SCARA5: variants seen among roughly 807,000 people sequenced by gnomAD.
The protein encoded by SCARA5 is scavenger receptor class A member 5, also known as scavenger receptor class A, member 5 (putative).
Under a neutral mutation model 46.3 loss-of-function variants are expected in SCARA5, and 45 were observed. That is an observed-to-expected ratio of 0.97 (90% CI 0.76 to 1.24). The LOEUF is 1.24. Among genes scored for constraint, SCARA5 ranks in the 50% most tolerant of loss-of-function variants. The pLI is 0.00. For missense variants in SCARA5, 680 were observed against 689.0 expected, an observed-to-expected ratio of 0.99 and a Z score of 0.15; for synonymous variants, 333 against 306.5, an observed-to-expected ratio of 1.09 and a Z score of -0.90.
At position 27,871,652 on chromosome 8, in the gene SCARA5, C is replaced by T. The variant is rs890449023; in HGVS notation, c.*282G>A. ...ATATTGAGGCCTGGTGCATGGTGTT[C>T]AGAGGCTGGGCAAAGTGGTGATCCA... On this transcript the variant is annotated 3_prime_UTR_variant, in exon 9 of 9. Transcript: ENST00000354914. 45 of 1,324,838 alleles carry T rather than the reference C, an allele frequency of 3.4e-5. No homozygotes were observed. Among genetic ancestry groups the T allele is most frequent in the African/African-American group, 4.4e-5 (3 of 67,730 alleles). 82.1% of individuals were successfully genotyped at this position (1,324,838 alleles called of 1,614,324 possible).
At chr8:27,911,565 G>A (rs778741405) in intron 4 of SCARA5, among the ~76,000 whole-genome samples, 15 of 152,164 alleles carry the variant, frequency 9.9e-5, no homozygotes, top group East Asian at 1.9e-4. Context: ...GGTGGTGGGC[G>A]CCTGTAATCC....
intron 7 of SCARA5, among the ~76,000 whole-genome samples, 157 bp from the exon 8 acceptor site, chr8:27,879,923 C>T (rs1424543560): frequency 1.3e-5 from 2 of 152,210 alleles, no homozygotes; most frequent in Non-Finnish European, 2.9e-5. Flanking sequence ...TGTGCCTCTT[C>T]TGCCCTTTGC....
At chr8:27,929,633 T>A (rs1482091467) in intron 3 of SCARA5, among the ~76,000 whole-genome samples, 1 of 152,198 alleles carries the variant, frequency 6.6e-6, no homozygotes, top group African/African-American at 2.4e-5. Context: ...GCCTGAAGAA[T>A]GAAATTGGGG....
intron 7 of SCARA5, chr8:27,904,432 A>G (rs1350604291): frequency 2.2e-5 from 10 of 462,260 alleles, no homozygotes; most frequent in East Asian, 1.8e-4. Flanking sequence ...CAATTTTCAC[A>G]ATGACCTTAT....
intron 2 of SCARA5, among the ~76,000 whole-genome samples, chr8:27,971,503 AC>A (rs1808447557): frequency 6.6e-6 from 1 of 152,234 alleles, no homozygotes; most frequent in Non-Finnish European, 1.5e-5. Flanking sequence ...TTCATGATTA[AC>A]AGGTTGTCTG....
At chr8:27,895,356 T>A (rs1807047263) in intron 7 of SCARA5, among the ~76,000 whole-genome samples, 1 of 152,140 alleles carries the variant, frequency 6.6e-6, no homozygotes, top group East Asian at 1.9e-4. Context: ...GGAAATGTGA[T>A]CCATATGGGA....
Position 27,949,934 on chromosome 8 carries a change from C to T in SCARA5, c.241+16480G>A, listed in dbSNP as rs139706416. 2.5e-3 allele frequency among the ~76,000 whole-genome samples: 383 copies of T among 152,334 alleles called. 2 individuals carry two copies. Among genetic ancestry groups the T allele is most frequent in the African/African-American group, 8.2e-3 (339 of 41,578 alleles). On this transcript the variant is annotated intron_variant, in intron 3 of 8. Coordinates refer to ENST00000354914, the MANE Select transcript of SCARA5 (RefSeq NM_173833.6). ...AAGTTCTGGAGCTGGACTAAGCTGGCCTTGCTGATGGTGCTGCTAAGCATG... is the reference window on the plus strand; with the variant it reads ...AAGTTCTGGAGCTGGACTAAGCTGGTCTTGCTGATGGTGCTGCTAAGCATG...
rs1158407756 is a variant in SCARA5, at chr8:27,907,251, G to A, written c.998-5C>T. ...TACCTCTCTCCCCGGGCAGACCTGG[G>A]GAGAAAACAGACAAATGGCAGAGCC... On this transcript the variant is annotated splice_polypyrimidine_tract_variant and splice_region_variant and intron_variant, in intron 5 of 8. Transcript: ENST00000354914. The A allele has an allele frequency of 1.2e-6, 2 of 1,606,834 alleles. No individual in the cohort carries two copies. Among genetic ancestry groups the A allele is most frequent in the South Asian group, 1.1e-5 (1 of 90,526 alleles).
At chr8:27,883,243 A>T (rs1806839722) in intron 7 of SCARA5, among the ~76,000 whole-genome samples, 1 of 152,242 alleles carries the variant, frequency 6.6e-6, no homozygotes, top group South Asian at 2.1e-4. Context: ...GGACCCAAAG[A>T]ACACCAGAGC....
At chr8:27,891,744 C>T (rs937173705) in intron 7 of SCARA5, among the ~76,000 whole-genome samples, 1 of 152,174 alleles carries the variant, frequency 6.6e-6, no homozygotes, top group African/African-American at 2.4e-5. Context: ...TAATTTTTCA[C>T]CTCCCTGACT....
intron 3 of SCARA5, among the ~76,000 whole-genome samples, chr8:27,924,651 A>C (rs1807652816): frequency 6.6e-6 from 1 of 152,240 alleles, no homozygotes; most frequent in East Asian, 1.9e-4. Flanking sequence ...GTTCAGACTT[A>C]GAATTTGCCT....
At chr8:27,985,145 G>A (rs891282764) in intron 2 of SCARA5, among the ~76,000 whole-genome samples, 1 of 152,198 alleles carries the variant, frequency 6.6e-6, no homozygotes, top group African/African-American at 2.4e-5. Flanking sequence ...AATGATACAT[G>A]TAAATAAGGA....
intron 3 of SCARA5, among the ~76,000 whole-genome samples, chr8:27,939,257 C>T (rs1234226671): frequency 6.6e-6 from 1 of 152,204 alleles, no homozygotes; most frequent in African/African-American, 2.4e-5. Flanking sequence ...TCTCCCTGCT[C>T]ATGAATGGCT....
At chr8:27,972,550 C>A (rs1808464084) in intron 2 of SCARA5, among the ~76,000 whole-genome samples, 1 of 152,092 alleles carries the variant, frequency 6.6e-6, no homozygotes, top group Non-Finnish European at 1.5e-5. Flanking sequence ...AGAAGAAAAA[C>A]CAAATTTTAG....
At chr8:27,932,047 C>T (rs1015176619) in intron 3 of SCARA5, among the ~76,000 whole-genome samples, 2 of 152,094 alleles carry the variant, frequency 1.3e-5, no homozygotes, top group African/African-American at 2.4e-5. Flanking sequence ...GGCGTCATCT[C>T]GGCTCACTGC....
chr8:27,976,314 A>G (rs1272803445), intron 2 of SCARA5, among the ~76,000 whole-genome samples: 1 of 152,180 alleles, frequency 6.6e-6, no homozygotes, highest in Non-Finnish European at 1.5e-5. Context: ...ATGCGGCATC[A>G]ATGCAGTGAG....
At chr8:27,978,408 T>C (rs1483099816) in intron 2 of SCARA5, among the ~76,000 whole-genome samples, 3 of 152,310 alleles carry the variant, frequency 2.0e-5, no homozygotes, top group Middle Eastern at 3.4e-3. Context: ...CTTTCATTTC[T>C]AGTGGATTCT....
rs779513600 is a variant in SCARA5 at position 27,921,865 on chromosome 8, C to G, written c.622G>C (p.Gly208Arg). 2 of 1,511,578 alleles carry G rather than the reference C, an allele frequency of 1.3e-6. No homozygotes were observed. The highest frequency in any genetic ancestry group is 2.2e-5 in the Admixed American group (1 of 45,842). The allele number at this position is 1,511,578 out of a possible 1,614,324, so 93.6% of individuals were successfully genotyped here. A position where few individuals can be genotyped will look rare whatever the true frequency, so the allele number is the denominator to read the frequency against. ...AGGATGCCCACCCTGCGCGCCAGCC[C>G]GTCCAGCAGGCCCGCGTGGCGCCTC... Reference protein sequence around the residue: ...LLRRHAGLLDGLARRVGILGE... With the variant: ...LLRRHAGLLDRLARRVGILGE... The change falls in exon 4 of 9, where the codon GGG becomes CGG. Residue 208 changes from glycine to arginine, a missense_variant. Gly to Arg is a moderately radical substitution (Grantham distance 125). This residue lies in a region of SCARA5 where 438 missense variants were observed against 384.5 expected (regional missense o/e 1.14). Coordinates refer to ENST00000354914, the MANE Select transcript of SCARA5 (RefSeq NM_173833.6).
At chr8:27,922,722 A>G (rs956520212) in intron 3 of SCARA5, among the ~76,000 whole-genome samples, 13 of 152,214 alleles carry the variant, frequency 8.5e-5, no homozygotes, top group African/African-American at 3.1e-4. Context: ...GAGGGTGGGT[A>G]CCTGCTGCAA....
Sources: allele counts gnomAD v4.1 joint callset (sites outside exome capture counted in the v4.1 genomes callset), GRCh38; gene constraint gnomAD v4.1.1; regional missense constraint gnomAD v4.1.1; transcripts MANE v1.5; gene names NCBI Gene and HGNC (gene_info 2026-07-23, HGNC 2026-07-21).